COL28A1: variants seen among roughly 807,000 people sequenced by gnomAD.
The protein encoded by COL28A1 is collagen alpha-1(XXVIII) chain.
A neutral mutation model predicts 150.2 loss-of-function variants in COL28A1; 161 were observed. That is an observed-to-expected ratio of 1.07 (90% confidence interval 0.94 to 1.22). The LOEUF (loss-of-function observed/expected upper bound fraction) is 1.22, where lower values mean the gene tolerates loss of function less well. Among genes scored for constraint, COL28A1 ranks in the 50% most tolerant of loss-of-function variants. The pLI is 0.00. For synonymous variants in COL28A1, 552 were observed against 469.7 expected (o/e 1.18, Z -2.26); for missense variants, 1,617 against 1,388.3 (o/e 1.16, Z -2.62).
In COL28A1 at chr7:7,372,995, T is replaced by G; in HGVS notation, c.2908+3A>C. ...TTCCCCTGGGCCAGATAGCCTTCCT[T>G]ACCTTGCAGGGTAAAGAAATCATCA... On this transcript the variant is annotated splice_donor_region_variant and intron_variant, in intron 32 of 34. Coordinates refer to ENST00000399429, the MANE Select transcript of COL28A1 (RefSeq NM_001037763.3). 1 of 1,611,046 alleles carries G rather than the reference T, an allele frequency of 6.2e-7. No homozygotes were observed. Among genetic ancestry groups the G allele is most frequent in the South Asian group, 1.1e-5 (1 of 90,462 alleles).
chr7:7,511,464 A>G (rs1781130926), intron 8 of COL28A1, among the ~76,000 whole-genome samples: 1 of 152,206 alleles, frequency 6.6e-6, no homozygotes, highest in Non-Finnish European at 1.5e-5. Context: ...GTTTAATTGA[A>G]TCCACATAAC....
At chr7:7,516,151 G>A (rs1253125863) in intron 7 of COL28A1, among the ~76,000 whole-genome samples, 2 of 152,246 alleles carry the variant, frequency 1.3e-5, no homozygotes, top group Non-Finnish European at 2.9e-5. Flanking sequence ...CATTGTAGAA[G>A]TGATGGCCTA....
Position 7,440,793 on chromosome 7 carries a change from T to C in COL28A1, c.1719A>G (p.Pro573=), listed in dbSNP as rs529623184. ...AGTCAGAATACAAGAAACATACCTT[T>C]GGTCCTTCGGGCCCTGGAAGTCCCC... is the stretch of plus-strand genomic sequence containing the variant. ...GQRGLPGPEG[P]KGEPGIMGPF... is the part of the protein sequence containing the mutation. The change falls in exon 21 of 35, where the codon CCA becomes CCG. Residue 573 remains proline (P), a synonymous_variant. Coordinates refer to ENST00000399429, the MANE Select transcript of COL28A1 (RefSeq NM_001037763.3). 67 of 1,419,286 alleles carry C rather than the reference T, an allele frequency of 4.7e-5. 1 individual carries two copies. In the South Asian group the frequency reaches 7.6e-4, roughly 16 times the overall value. 87.9% of individuals were successfully genotyped at this position (1,419,286 alleles called of 1,614,324 possible).
chr7:7,481,547 A>G (rs1192077903), intron 13 of COL28A1, among the ~76,000 whole-genome samples: 1 of 152,234 alleles, frequency 6.6e-6, no homozygotes, highest in Non-Finnish European at 1.5e-5. Flanking sequence ...ATGAGAACCA[A>G]TTACAACTAC....
intron 11 of COL28A1, among the ~76,000 whole-genome samples, chr7:7,501,028 T>G (rs1780493128): frequency 6.6e-6 from 1 of 152,246 alleles, no homozygotes; most frequent in South Asian, 2.1e-4. Context: ...TCATTTACCC[T>G]GACCATATCC....
At chr7:7,474,480 A>C in intron 15 of COL28A1, 121 bp downstream of exon 15, 1 of 526,252 alleles carries the variant, frequency 1.9e-6, no homozygotes, top group South Asian at 3.7e-5. Flanking sequence ...TACTAGATTT[A>C]TAATTAACCA....
At position 7,427,528 on chromosome 7, in the gene COL28A1, C is replaced by T. The variant is rs144916707; in HGVS notation, c.1998+4945G>A. ...ATTCCTAATGCATCTCTGTGTGAATCGGTCCTCTGTTCCACCAATGCCTGT... is the reference window on the plus strand; with the variant it reads ...ATTCCTAATGCATCTCTGTGTGAATTGGTCCTCTGTTCCACCAATGCCTGT... On this transcript the variant is annotated intron_variant, in intron 25 of 34. Coordinates refer to ENST00000399429, the MANE Select transcript of COL28A1 (RefSeq NM_001037763.3). Among the ~76,000 whole-genome samples the T allele has an allele frequency of 1.1e-3, 167 of 152,278 alleles. 1 individual carries two copies. The highest frequency in any genetic ancestry group is 3.7e-3 in the African/African-American group (153 of 41,556).
chr7:7,488,726 C>G (rs1252928073), intron 13 of COL28A1, among the ~76,000 whole-genome samples: 1 of 152,116 alleles, frequency 6.6e-6, no homozygotes. Context: ...GATAATGAGC[C>G]AAGTCCTTAT....
chr7:7,353,467 C>A (rs79381601), downstream of COL28A1, among the ~76,000 whole-genome samples: 5,670 of 151,968 alleles, frequency 0.037, 140 homozygotes, highest in Non-Finnish European at 0.057. Flanking sequence ...CCCCACTTTA[C>A]AGAAATGTAT....
At chr7:7,467,826 T>C (rs1033984289) in intron 15 of COL28A1, among the ~76,000 whole-genome samples, 1 of 140,988 alleles carries the variant, frequency 7.1e-6, no homozygotes, top group Admixed American at 7.0e-5. Context: ...CTCAACTACA[T>C]GGAAACTGAA....
chr7:7,524,726 T>C (rs952912904), intron 3 of COL28A1, among the ~76,000 whole-genome samples: 7 of 152,162 alleles, frequency 4.6e-5, no homozygotes, highest in African/African-American at 1.7e-4. Flanking sequence ...CTTCATGAAA[T>C]ATTAATGGGT....
chr7:7,507,867 C>T (rs995534774), intron 9 of COL28A1, among the ~76,000 whole-genome samples: 4 of 152,194 alleles, frequency 2.6e-5, no homozygotes, highest in Admixed American at 6.5e-5. Flanking sequence ...CCAGTAGATT[C>T]CTCTTCAAAT....
the COL28A1 span, among the ~76,000 whole-genome samples, chr7:7,543,073 T>C: frequency 3.3e-5 from 5 of 152,236 alleles, no homozygotes; most frequent in African/African-American, 1.2e-4. Context: ...ACGTATGGTA[T>C]AAAATTTTCA....
chr7:7,383,692 ATATATATATATG>A lies in COL28A1; in HGVS notation c.2137-2092_2137-2081del, dbSNP rs1191283068. Among the ~76,000 whole-genome samples, 82 of 142,716 alleles carry A rather than the reference ATATATATATATG, an allele frequency of 5.7e-4. 1 individual carries two copies. The highest frequency in any genetic ancestry group is 2.0e-3 in the African/African-American group (76 of 38,256). 93.6% of individuals were successfully genotyped at this position (142,716 alleles called of 152,430 possible). ...TGTGTGTGTGTGTGTGTATATATAT[ATATATATATATG>A]TATATGAGATTCTAATTTGTTGATC... On this transcript the variant is annotated intron_variant, in intron 27 of 34. Transcript: ENST00000399429.
At chr7:7,439,623 C>A (rs1450148106) in intron 21 of COL28A1, among the ~76,000 whole-genome samples, 1 of 152,104 alleles carries the variant, frequency 6.6e-6, no homozygotes, top group Non-Finnish European at 1.5e-5. Flanking sequence ...AGCTTTATTT[C>A]AAAACACAGA....
chr7:7,419,459 T>A (rs372245915), intron 26 of COL28A1, among the ~76,000 whole-genome samples: 3 of 152,150 alleles, frequency 2.0e-5, no homozygotes, highest in African/African-American at 7.2e-5. Context: ...GTTGCTCTCA[T>A]CTTCTCCAGG....
intron 20 of COL28A1, among the ~76,000 whole-genome samples, chr7:7,441,549 G>A (rs1260590013): frequency 6.6e-6 from 1 of 151,342 alleles, no homozygotes; most frequent in African/African-American, 2.4e-5. Flanking sequence ...AATTCCTCGT[G>A]GTCTGCAGCT....
chr7:7,507,052 G>A (rs1179292617), intron 10 of COL28A1, 65 bp downstream of exon 10: 7 of 822,928 alleles, frequency 8.5e-6, no homozygotes, highest in Middle Eastern at 2.2e-4. Context: ...AGTGGGCAAG[G>A]GGATGGTTTA....
chr7:7,508,105 A>G (rs541891657), intron 9 of COL28A1, among the ~76,000 whole-genome samples: 144 of 151,948 alleles, frequency 9.5e-4, no homozygotes, highest in African/African-American at 3.3e-3. Flanking sequence ...GGTGGCGGGC[A>G]CCTGTAGTCC....
Sources: allele counts gnomAD v4.1 joint callset (sites outside exome capture counted in the v4.1 genomes callset), GRCh38; gene constraint gnomAD v4.1.1; transcripts MANE v1.5; gene names NCBI Gene and HGNC (gene_info 2026-07-23, HGNC 2026-07-21).